Variants in FSTL4 observed in about 807,000 individuals in gnomAD.
FSTL4 encodes follistatin like 4, also known as follistatin-related protein 4.
In FSTL4, 28 loss-of-function variants were observed where a neutral mutation model predicts 78.2. That is an observed-to-expected ratio of 0.36 (90% CI 0.27 to 0.49). The LOEUF (loss-of-function observed/expected upper bound fraction) is 0.49, where lower values mean the gene tolerates loss of function less well. Ranked by LOEUF, FSTL4 falls within the 20% of genes least tolerant of loss-of-function variation. FSTL4 has a pLI of 0.98. For synonymous variants in FSTL4, 422 were observed against 440.5 expected (o/e 0.96, Z 0.53); for missense variants, 922 against 1,084.9 (o/e 0.85, Z 2.11).
At chr5:133,458,918 AC>A (rs1211224149) in intron 3 of FSTL4, among the ~76,000 whole-genome samples, 3 of 152,128 alleles carry the variant, frequency 2.0e-5, no homozygotes, top group African/African-American at 7.2e-5. Flanking sequence ...GTGCACACAC[AC>A]CTGTTGTAGA....
chr5:133,324,937 G>A (rs1442353354), intron 4 of FSTL4, among the ~76,000 whole-genome samples: 5 of 152,244 alleles, frequency 3.3e-5, no homozygotes, highest in African/African-American at 9.6e-5. Context: ...ACCCAGTGGG[G>A]ACAACCCAAA....
At chr5:133,661,924 C>A in the FSTL4 span, among the ~76,000 whole-genome samples, 1 of 152,132 alleles carries the variant, frequency 6.6e-6, no homozygotes, top group Non-Finnish European at 1.5e-5. Flanking sequence ...ATCGTGTATT[C>A]AACAGATATT....
In FSTL4 at chr5:133,266,874, C is replaced by T. The variant is rs115640860; in HGVS notation, c.728-17298G>A. On this transcript the variant is annotated intron_variant, in intron 6 of 15. Coordinates refer to ENST00000265342, the MANE Select transcript of FSTL4 (RefSeq NM_015082.2). ...GACCACAGCTTCCCCCTTGTGGGCT[C>T]CTCACTCAGTGTCCTCAGCTTTGGG... Among the ~76,000 whole-genome samples the T allele has an allele frequency of 5.4e-3, 822 of 152,328 alleles. 8 individuals are homozygous for T. Among genetic ancestry groups the T allele is most frequent in the African/African-American group, 0.018 (750 of 41,582 alleles).
chr5:133,641,281 C>T, the FSTL4 span, among the ~76,000 whole-genome samples: 3 of 151,846 alleles, frequency 2.0e-5, no homozygotes, highest in Non-Finnish European at 2.9e-5. Flanking sequence ...AAAAAAAACA[C>T]GTACTGATTC....
At chr5:133,682,813 T>C in the FSTL4 span, among the ~76,000 whole-genome samples, 2 of 152,222 alleles carry the variant, frequency 1.3e-5, no homozygotes, top group African/African-American at 4.8e-5. Context: ...GGCTGCGTCA[T>C]AGCCTCCCTT....
At chr5:133,280,300 G>A (rs1752981532) in intron 6 of FSTL4, among the ~76,000 whole-genome samples, 1 of 152,148 alleles carries the variant, frequency 6.6e-6, no homozygotes, top group African/African-American at 2.4e-5. Context: ...GTGGCAGGTG[G>A]GTATGGGGAG....
intron 3 of FSTL4, among the ~76,000 whole-genome samples, chr5:133,536,844 T>C (rs2112914410): frequency 6.6e-6 from 1 of 152,296 alleles, no homozygotes; most frequent in Admixed American, 6.5e-5. Context: ...GTAGACTATA[T>C]CACAATTTAG....
At chr5:133,464,182 G>A (rs929441314) in intron 3 of FSTL4, among the ~76,000 whole-genome samples, 3 of 152,242 alleles carry the variant, frequency 2.0e-5, no homozygotes, top group East Asian at 1.9e-4. Flanking sequence ...GCCCCTCCCC[G>A]TCTGCACAAG....
intron 4 of FSTL4, among the ~76,000 whole-genome samples, chr5:133,318,090 A>G (rs1381700941): frequency 6.6e-6 from 1 of 152,184 alleles, no homozygotes; most frequent in Non-Finnish European, 1.5e-5. Context: ...TCAGAAACAG[A>G]TGCCCATTGC....
At chr5:133,436,079 C>T (rs144976474) in intron 3 of FSTL4, among the ~76,000 whole-genome samples, 3 of 152,060 alleles carry the variant, frequency 2.0e-5, no homozygotes, top group Admixed American at 2.0e-4. Context: ...CAATGCTTAC[C>T]CTCTTCTGAG....
chr5:133,532,057 TC>T (rs1416332070), intron 3 of FSTL4, among the ~76,000 whole-genome samples: 1 of 152,180 alleles, frequency 6.6e-6, no homozygotes, highest in Non-Finnish European at 1.5e-5. Flanking sequence ...GGAAAAATTA[TC>T]CTGCAAGATC....
chr5:133,767,283 G>C, the FSTL4 span, among the ~76,000 whole-genome samples: 5 of 152,244 alleles, frequency 3.3e-5, no homozygotes, highest in South Asian at 1.0e-3. Flanking sequence ...CAGGGGTGAG[G>C]GGGGCATCGA....
At chr5:133,783,368 C>A in the FSTL4 span, among the ~76,000 whole-genome samples, 4 of 152,168 alleles carry the variant, frequency 2.6e-5, no homozygotes, top group African/African-American at 9.7e-5. Flanking sequence ...AGGACAATCC[C>A]AGCTTAACGC....
intron 4 of FSTL4, among the ~76,000 whole-genome samples, chr5:133,352,894 G>A (rs567837060): frequency 1.2e-3 from 183 of 152,106 alleles, no homozygotes; most frequent in Admixed American, 1.9e-3. Context: ...TTGCTATTGC[G>A]AATAGCTTAT....
intron 6 of FSTL4, among the ~76,000 whole-genome samples, chr5:133,304,894 C>T (rs1442456572): frequency 2.0e-5 from 3 of 152,214 alleles, no homozygotes; most frequent in African/African-American, 7.2e-5. Flanking sequence ...TCCTGCCACC[C>T]CTGTTCCTCA....
intron 6 of FSTL4, among the ~76,000 whole-genome samples, chr5:133,307,633 G>A (rs534846503): frequency 1.3e-5 from 2 of 152,172 alleles, no homozygotes; most frequent in Non-Finnish European, 2.9e-5. Flanking sequence ...AACACTGACT[G>A]TGAACCCTGT....
chr5:133,272,183 T>C (rs1418512279), intron 6 of FSTL4, among the ~76,000 whole-genome samples: 2 of 152,256 alleles, frequency 1.3e-5, no homozygotes, highest in African/African-American at 4.8e-5. Flanking sequence ...AGAATTCTAT[T>C]AATTTTTGCA....
At chr5:133,215,735 G>A (rs1286477467) in intron 13 of FSTL4, among the ~76,000 whole-genome samples, 1 of 152,172 alleles carries the variant, frequency 6.6e-6, no homozygotes, top group East Asian at 1.9e-4. Context: ...AGGTTCTAGG[G>A]GAGAGTATGG....
the FSTL4 span, among the ~76,000 whole-genome samples, chr5:133,691,901 G>A: frequency 6.6e-6 from 1 of 152,092 alleles, no homozygotes; most frequent in Admixed American, 6.6e-5. Flanking sequence ...ACCACTCACT[G>A]GTTTACTGAA....
Sources: gnomAD v4.1 joint callset for allele counts (sites outside exome capture counted in the v4.1 genomes callset) on GRCh38, gnomAD v4.1.1 for gene constraint, MANE v1.5 for transcripts, NCBI Gene and HGNC (gene_info 2026-07-23, HGNC 2026-07-21) for gene names.